WDR20: variants seen among roughly 807,000 people sequenced by gnomAD.
WDR20 encodes WD repeat-containing protein 20.
A neutral mutation model predicts 38.7 loss-of-function variants in WDR20; 3 were observed. The ratio of observed to expected loss-of-function variants is 0.08; its 90% CI spans 0.04 to 0.20. The LOEUF is 0.20. Among genes scored for constraint, WDR20 ranks in the 10% least tolerant of loss-of-function variants. The pLI is 1.00. For missense variants in WDR20, 559 were observed against 727.7 expected (o/e 0.77, Z 2.67); for synonymous variants, 298 against 285.6 (o/e 1.04, Z -0.44).
rs994376245 is a variant in WDR20, at chr14:102,140,293, C to T, written c.249+121C>T. ...CCGTCGCTCTTACTTTTGAGTGGGCCGGTAACTCCACTGGGGTACTCCTGA... is the reference window on the plus strand; with the variant it reads ...CCGTCGCTCTTACTTTTGAGTGGGCTGGTAACTCCACTGGGGTACTCCTGA... On this transcript the variant is annotated intron_variant, in intron 1 of 2. Transcript: ENST00000342702. The T allele has an allele frequency of 3.2e-5, 47 of 1,454,920 alleles. No individual in the cohort carries two copies. In the African/African-American group the frequency reaches 5.8e-4, roughly 18 times the overall value. 90.1% of individuals were successfully genotyped at this position (1,454,920 alleles called of 1,614,324 possible). A position where few individuals can be genotyped will look rare whatever the true frequency, so the allele number is the denominator to read the frequency against.
intron 2 of WDR20, among the ~76,000 whole-genome samples, chr14:102,205,635 G>A (rs1463248808): frequency 2.0e-5 from 3 of 152,146 alleles, no homozygotes; most frequent in African/African-American, 7.2e-5. Flanking sequence ...TGCTGTTGCT[G>A]CCCACAGACA....
At chr14:102,216,307 A>G (rs1406610118), downstream of WDR20, among the ~76,000 whole-genome samples, 17 of 152,160 alleles carry the variant, frequency 1.1e-4, no homozygotes. Context: ...AGCACTGAAC[A>G]GGGCGTTTTG....
intron 2 of WDR20, among the ~76,000 whole-genome samples, chr14:102,196,713 C>G (rs1324557913): frequency 6.6e-6 from 1 of 152,190 alleles, no homozygotes; most frequent in Non-Finnish European, 1.5e-5. Flanking sequence ...TCTGGGAGCA[C>G]TCAGGCTGCA....
At chr14:102,224,811 TAAA>T (rs1295549416), downstream of WDR20, 14 of 455,962 alleles carry the variant, frequency 3.1e-5, no homozygotes, top group Non-Finnish European at 4.9e-5. Flanking sequence ...AGAGAAATAA[TAAA>T]AGACACTAAG....
At chr14:102,218,469 C>T (rs2153057096), downstream of WDR20, among the ~76,000 whole-genome samples, 1 of 152,366 alleles carries the variant, frequency 6.6e-6, no homozygotes, top group African/African-American at 2.4e-5. Context: ...TCCTATCTGG[C>T]TGTCAGAATC....
intron 1 of WDR20, among the ~76,000 whole-genome samples, chr14:102,151,401 T>C (rs1007007748): frequency 2.0e-5 from 3 of 152,014 alleles, no homozygotes; most frequent in Non-Finnish European, 4.4e-5. Context: ...TTTGTTTTTG[T>C]TTTTGTTTTT....
chr14:102,213,629 T>C, downstream of WDR20: 3 of 985,412 alleles, frequency 3.0e-6, no homozygotes, highest in Non-Finnish European at 3.6e-6. Context: ...ACTGGCTGAC[T>C]TCACCCCCAG....
At chr14:102,218,570 C>A (rs2063504037), downstream of WDR20, among the ~76,000 whole-genome samples, 2 of 152,318 alleles carry the variant, frequency 1.3e-5, no homozygotes, top group Admixed American at 1.3e-4. Flanking sequence ...CATATATATT[C>A]TGGTGCAACA....
intron 1 of WDR20, among the ~76,000 whole-genome samples, chr14:102,152,843 A>G (rs1216288987): frequency 6.6e-6 from 1 of 152,204 alleles, no homozygotes; most frequent in East Asian, 1.9e-4. Flanking sequence ...CTAATAAGCC[A>G]TTGTCCTGGG....
intron 1 of WDR20, among the ~76,000 whole-genome samples, chr14:102,173,268 A>G (rs1371335175): frequency 6.6e-6 from 1 of 150,918 alleles, no homozygotes; most frequent in East Asian, 1.9e-4. Context: ...TTGTGCCACC[A>G]TGCCTGGCCA....
intron 2 of WDR20, chr14:102,198,251 C>T (rs1229360056): frequency 3.3e-6 from 1 of 301,726 alleles, no homozygotes; most frequent in Non-Finnish European, 6.6e-6. Flanking sequence ...GCCTCACCCA[C>T]CCAAGTACCT....
chr14:102,203,372 AT>A (rs966630165), intron 2 of WDR20, among the ~76,000 whole-genome samples: 21 of 152,064 alleles, frequency 1.4e-4, no homozygotes, highest in Non-Finnish European at 2.6e-4. Flanking sequence ...GATCATTGAC[AT>A]TTTTTTTCAT....
At chr14:102,210,878 A>C (rs74704971), downstream of WDR20, among the ~76,000 whole-genome samples, 6,921 of 152,184 alleles carry the variant, frequency 0.045, 183 homozygotes, top group Middle Eastern at 0.068. Flanking sequence ...TCCCCCGCAG[A>C]GGAAGCGGAA....
chr14:102,186,629 C>T (rs532238298), intron 1 of WDR20, among the ~76,000 whole-genome samples: 2 of 152,054 alleles, frequency 1.3e-5, no homozygotes, highest in African/African-American at 2.4e-5. Flanking sequence ...CTAACAGGCA[C>T]TAGCAGCCCC....
chr14:102,200,461 T>TGTGTGTGTG (rs201901921), intron 2 of WDR20, among the ~76,000 whole-genome samples: 14 of 100,748 alleles, frequency 1.4e-4, no homozygotes, highest in Admixed American at 1.9e-4. Flanking sequence ...TTTTAAATTT[T>TGTGTGTGTG]TTTTTTTGTG....
intron 1 of WDR20, among the ~76,000 whole-genome samples, chr14:102,148,669 TTG>T (rs10525828): frequency 0.042 from 6,013 of 144,822 alleles, 126 homozygotes; most frequent in African/African-American, 0.055. Flanking sequence ...GAGTTTGGCT[TTG>T]TGTGTGTGTG....
intron 1 of WDR20, among the ~76,000 whole-genome samples, chr14:102,187,661 G>A (rs1037434085): frequency 1.3e-5 from 2 of 152,188 alleles, no homozygotes; most frequent in East Asian, 1.9e-4. Context: ...AAGGCTTCCC[G>A]AAGATGTGTC....
chr14:102,191,767 T>G (rs2066500362), intron 1 of WDR20, among the ~76,000 whole-genome samples: 1 of 151,802 alleles, frequency 6.6e-6, no homozygotes, highest in Non-Finnish European at 1.5e-5. Context: ...GAGGGAGGAG[T>G]GACCTTAGGT....
intron 1 of WDR20, among the ~76,000 whole-genome samples, chr14:102,145,014 T>C (rs2152684980): frequency 6.6e-6 from 1 of 152,360 alleles, no homozygotes; most frequent in African/African-American, 2.4e-5. Flanking sequence ...TTTGCCTTCC[T>C]AGCACTTTTC....
Sources: allele counts gnomAD v4.1 joint callset (sites outside exome capture counted in the v4.1 genomes callset), GRCh38; gene constraint gnomAD v4.1.1; transcripts MANE v1.5; gene names NCBI Gene and HGNC (gene_info 2026-07-23, HGNC 2026-07-21).